The following NELL1 variants were observed in gnomAD, a reference collection of about 807,000 sequenced individuals.
NELL1 encodes the protein protein kinase C-binding protein NELL1.
A neutral mutation model predicts 107.4 loss-of-function variants in NELL1; 76 were observed. That is an observed-to-expected ratio of 0.71 (90% CI 0.59 to 0.86). The LOEUF is 0.86. Ranked by LOEUF, NELL1 falls within the 40% of genes least tolerant of loss-of-function variation. The pLI, the probability that NELL1 is intolerant of heterozygous loss-of-function variation, is 0.00. For missense variants in NELL1, 1,024 were observed against 1,005.5 expected, an observed-to-expected ratio of 1.02 and a Z score of -0.25; for synonymous variants, 353 against 341.2, an observed-to-expected ratio of 1.03 and a Z score of -0.38.
intron 12 of NELL1, among the ~76,000 whole-genome samples, chr11:20,963,247 C>T (rs2134218285): frequency 6.6e-6 from 1 of 152,204 alleles, no homozygotes; most frequent in Admixed American, 6.5e-5. Flanking sequence ...CGTAGAAAGT[C>T]ATTCCCCAAC....
Position 20,927,309 on chromosome 11 carries a change from T to G in NELL1, c.761T>G (p.Leu254Arg). Reference protein sequence around the residue: ...QELLAKMTAKLNYAETRLSQL... With the variant: ...QELLAKMTAKRNYAETRLSQL... ...ACATTCAGTAACTCTTGTTTGCAGC[T>G]AAATTATGCAGAGACAAGACTTAGT... Residue 254 changes from leucine to arginine, a missense_variant and splice_region_variant, in exon 8 of 20, where the codon CTA becomes CGA. Transcript: ENST00000357134. 6.2e-7 allele frequency: 1 copy of G among 1,603,186 alleles called. No individual in the cohort carries two copies. The highest frequency in any genetic ancestry group is 1.1e-5 in the South Asian group (1 of 87,864).
chr11:20,843,565 TATAAA>T (rs1848654085), intron 3 of NELL1, among the ~76,000 whole-genome samples: 1 of 126,396 alleles, frequency 7.9e-6, no homozygotes, highest in Non-Finnish European at 1.6e-5. Context: ...CTGTTCTATA[TATAAA>T]ATATAATATA....
chr11:21,421,131 CA>C (rs1262437667), intron 15 of NELL1, among the ~76,000 whole-genome samples: 4 of 152,002 alleles, frequency 2.6e-5, no homozygotes, highest in Non-Finnish European at 5.9e-5. Context: ...AAGAAGCATT[CA>C]AAAAATACAG....
intron 12 of NELL1, among the ~76,000 whole-genome samples, chr11:21,026,145 A>G: frequency 6.6e-6 from 1 of 152,100 alleles, no homozygotes; most frequent in East Asian, 1.9e-4. Context: ...CACTCCTAAT[A>G]TGGTCCTGTT....
chr11:21,571,545 A>G (rs1362218126), intron 18 of NELL1, among the ~76,000 whole-genome samples: 4 of 151,906 alleles, frequency 2.6e-5, no homozygotes, highest in Admixed American at 6.6e-5. Context: ...TACTTGGCTT[A>G]GAGAAGGTAC....
At chr11:20,951,965 G>A (rs978551523) in intron 11 of NELL1, among the ~76,000 whole-genome samples, 3 of 151,978 alleles carry the variant, frequency 2.0e-5, no homozygotes, top group East Asian at 1.9e-4. Context: ...TAACATCTGG[G>A]CTCCTGCCTG....
At chr11:21,385,497 TTCAA>T (rs1851723435) in intron 15 of NELL1, among the ~76,000 whole-genome samples, 1 of 151,852 alleles carries the variant, frequency 6.6e-6, no homozygotes, top group Non-Finnish European at 1.5e-5. Context: ...CACTTTTCCA[TTCAA>T]TCAATCACTA....
intron 15 of NELL1, among the ~76,000 whole-genome samples, chr11:21,477,315 G>T (rs779844873): frequency 2.8e-4 from 42 of 152,120 alleles, no homozygotes; most frequent in Admixed American, 5.2e-4. Context: ...CCACATTCCA[G>T]CTCCTGGGAG....
At chr11:20,780,782 GGAGA>G (rs1187637616) in intron 2 of NELL1, among the ~76,000 whole-genome samples, 1 of 152,152 alleles carries the variant, frequency 6.6e-6, no homozygotes, top group African/African-American at 2.4e-5. Flanking sequence ...GACGTGAAAA[GGAGA>G]GAGAAGAGCA....
At chr11:21,172,183 G>A (rs1856621747) in intron 13 of NELL1, among the ~76,000 whole-genome samples, 1 of 151,812 alleles carries the variant, frequency 6.6e-6, no homozygotes, top group Non-Finnish European at 1.5e-5. Flanking sequence ...TGGCCTATAT[G>A]TCTCCTCAGC....
At chr11:21,115,988 C>T (rs1855226430) in intron 13 of NELL1, among the ~76,000 whole-genome samples, 1 of 151,808 alleles carries the variant, frequency 6.6e-6, no homozygotes, top group Non-Finnish European at 1.5e-5. Context: ...TTCTGCTTTT[C>T]CTCACAACAA....
At chr11:21,297,782 G>A (rs1042836487) in intron 14 of NELL1, among the ~76,000 whole-genome samples, 3 of 151,980 alleles carry the variant, frequency 2.0e-5, no homozygotes, top group Non-Finnish European at 2.9e-5. Flanking sequence ...TGTAATGGAG[G>A]TATAAGCAGG....
At chr11:20,723,737 G>GGC (rs1255897505) in intron 2 of NELL1, among the ~76,000 whole-genome samples, 1 of 152,116 alleles carries the variant, frequency 6.6e-6, no homozygotes, top group African/African-American at 2.4e-5. Flanking sequence ...CTCTGTGGGG[G>GGC]GGGGCTCCAA....
chr11:20,727,900 C>T (rs1855544815), intron 2 of NELL1, among the ~76,000 whole-genome samples: 1 of 152,106 alleles, frequency 6.6e-6, no homozygotes, highest in South Asian at 2.1e-4. Context: ...ACAGTGATTG[C>T]ACTAATTTAC....
intron 13 of NELL1, among the ~76,000 whole-genome samples, chr11:21,184,966 G>A (rs371850249): frequency 7.9e-5 from 12 of 151,876 alleles, no homozygotes; most frequent in African/African-American, 2.4e-4. Flanking sequence ...TGTTAGCACC[G>A]ATAATTACTG....
In NELL1 at chr11:21,306,669, A is replaced by G. The variant is rs192934065; in HGVS notation, c.1550-64184A>G. ...ATCAACTTCACCTAATAAATGAGAA[A>G]GCTCATTCCCTCATTTATCATAGGT... On this transcript the variant is annotated intron_variant, in intron 14 of 19. Coordinates refer to ENST00000357134, the MANE Select transcript of NELL1 (RefSeq NM_006157.5). Among the ~76,000 whole-genome samples the G allele has an allele frequency of 4.1e-4, 63 of 152,172 alleles. No individual in the cohort carries two copies. The East Asian group carries it at 9.7e-3, about 23-fold the overall frequency.
chr11:20,718,301 A>C (rs1425195107), intron 2 of NELL1, among the ~76,000 whole-genome samples: 2 of 152,152 alleles, frequency 1.3e-5, no homozygotes, highest in Non-Finnish European at 2.9e-5. Context: ...TTTTAAATTT[A>C]AATTTAAGTA....
At position 21,229,418 on chromosome 11, in the gene NELL1, A is replaced by C; in HGVS notation, c.1513A>C (p.Lys505Gln). The C allele has an allele frequency of 1.2e-6, 2 of 1,613,970 alleles. No individual in the cohort carries two copies. Among genetic ancestry groups the C allele is most frequent in the South Asian group, 2.2e-5 (2 of 91,076 alleles). ...NTVQGHSCTC[K>Q]PGYVGNGTIC... ...TGTCCAGGGACACAGCTGCACCTGCAAACCGGGCTACGTGGGGAACGGGAC... is the reference window on the plus strand; with the variant it reads ...TGTCCAGGGACACAGCTGCACCTGCCAACCGGGCTACGTGGGGAACGGGAC... Residue 505 changes from lysine to glutamine, a missense_variant, in exon 14 of 20, where the codon AAA becomes CAA. Physicochemically the swap from Lys to Gln is moderately conservative, Grantham distance 53. Coordinates refer to ENST00000357134, the MANE Select transcript of NELL1 (RefSeq NM_006157.5).
At chr11:21,122,912 G>T (rs1289887251) in intron 13 of NELL1, among the ~76,000 whole-genome samples, 4 of 152,108 alleles carry the variant, frequency 2.6e-5, no homozygotes, top group African/African-American at 9.7e-5. Flanking sequence ...AGTTAATTCA[G>T]CTGCTCCATG....
Sources: allele counts gnomAD v4.1 joint callset (sites outside exome capture counted in the v4.1 genomes callset), GRCh38; gene constraint gnomAD v4.1.1; transcripts MANE v1.5; gene names NCBI Gene and HGNC (gene_info 2026-07-23, HGNC 2026-07-21).